GPLD1: variants seen among roughly 807,000 people sequenced by gnomAD.
The protein encoded by GPLD1 is glycosylphosphatidylinositol specific phospholipase D1, also known as phosphatidylinositol-glycan-specific phospholipase D.
In GPLD1, 84 loss-of-function variants were observed where a neutral mutation model predicts 112.6. That is an observed-to-expected ratio of 0.75 (90% CI 0.63 to 0.89). The LOEUF is 0.89. Among genes scored for constraint, GPLD1 ranks in the 40% least tolerant of loss-of-function variants. The pLI is 0.00. For synonymous variants in GPLD1, 386 were observed against 403.8 expected, an observed-to-expected ratio of 0.96 and a Z score of 0.53; for missense variants, 1,044 against 1,051.5, an observed-to-expected ratio of 0.99 and a Z score of 0.10.
At chr6:24,464,701 C>T (rs920424152) in intron 10 of GPLD1, among the ~76,000 whole-genome samples, 9 of 152,204 alleles carry the variant, frequency 5.9e-5, no homozygotes, top group Non-Finnish European at 1.0e-4. Flanking sequence ...CTGCTATGAT[C>T]CTGACCTGGA....
intron 18 of GPLD1, 66 bp downstream of exon 18, chr6:24,446,772 T>G: frequency 6.6e-7 from 1 of 1,519,404 alleles, no homozygotes. Flanking sequence ...TCATGCTCAG[T>G]GCGCTCCATA....
At chr6:24,425,108 C>T (rs1249148979), downstream of GPLD1, 2 of 152,148 alleles carry the variant, frequency 1.3e-5, no homozygotes, top group Admixed American at 6.5e-5. Context: ...CATACAGCAC[C>T]CTCTAGCATT....
chr6:24,447,063 T>A (rs1762933975), intron 17 of GPLD1, 84 bp from the exon 18 acceptor site: 1 of 1,281,180 alleles, frequency 7.8e-7, no homozygotes, highest in Non-Finnish European at 1.1e-6. Context: ...TCTCGTAGCC[T>A]AATAGAAGTG....
rs1428150460 is a variant in GPLD1, at chr6:24,430,565, TGA to T, written c.2437-1449_2437-1448del. ...CCTGAGCTGATGGAAGGCAGCCCCA[TGA>T]GAAGTTTCTGAAATACAGAGACAGT... On this transcript the variant is annotated intron_variant, in intron 24 of 24. Coordinates refer to ENST00000230036, the MANE Select transcript of GPLD1 (RefSeq NM_001503.4). Among the ~76,000 whole-genome samples the T allele has an allele frequency of 2.0e-5, 3 of 151,394 alleles. No individual in the cohort carries two copies. The Admixed American group carries it at 2.0e-4, about 10-fold the overall frequency.
chr6:24,431,692 G>A lies in GPLD1; in HGVS notation c.2436+1495C>T, dbSNP rs144133647. Reference sequence around the variant, plus strand: ...TGAGACTATAGGCATGCACCACCACGCCGGGCTATTTTTTGTATTTTTAGT... The same window carrying A: ...TGAGACTATAGGCATGCACCACCACACCGGGCTATTTTTTGTATTTTTAGT... On this transcript the variant is annotated intron_variant, in intron 24 of 24. Transcript: ENST00000230036. Among the ~76,000 whole-genome samples, 849 of 151,848 alleles carry A rather than the reference G, an allele frequency of 5.6e-3. 8 individuals are homozygous for A. Among genetic ancestry groups the A allele is most frequent in the African/African-American group, 0.018 (760 of 41,380 alleles).
At chr6:24,438,920 G>A (rs1762662158) in intron 20 of GPLD1, among the ~76,000 whole-genome samples, 1 of 152,096 alleles carries the variant, frequency 6.6e-6, no homozygotes, top group Non-Finnish European at 1.5e-5. Flanking sequence ...CCGAGTAGCT[G>A]GGACTACAGG....
intron 12 of GPLD1, among the ~76,000 whole-genome samples, chr6:24,459,132 G>T (rs1763353846): frequency 6.6e-6 from 1 of 152,078 alleles, no homozygotes; most frequent in Non-Finnish European, 1.5e-5. Context: ...CCCACTAACA[G>T]AAATGTACTC....
intron 1 of GPLD1, among the ~76,000 whole-genome samples, chr6:24,486,823 A>C (rs1764392815): frequency 6.6e-6 from 1 of 152,176 alleles, no homozygotes; most frequent in Admixed American, 6.5e-5. Flanking sequence ...GTCTCAAAAA[A>C]AAAAAGAAAC....
At chr6:24,430,499 A>G (rs965945977) in intron 24 of GPLD1, among the ~76,000 whole-genome samples, 24 of 152,184 alleles carry the variant, frequency 1.6e-4, no homozygotes, top group Non-Finnish European at 3.2e-4. Flanking sequence ...GCTTGATACA[A>G]CACTGCTCAC....
At position 24,433,382 on chromosome 6, in the gene GPLD1, T is replaced by C. The variant is rs757861276; in HGVS notation, c.2366A>G (p.Tyr789Cys). 6.2e-7 allele frequency: 1 copy of C among 1,607,782 alleles called. No individual in the cohort carries two copies. The highest frequency in any genetic ancestry group is 8.5e-7 in the Non-Finnish European group (1 of 1,174,390). ...ACTTACTTCAGGAGAAATCAATACA[T>C]ATTGGGCCTGAAGAAAAAAATTGAG... ...ITPCPEEKAQ[Y>C]VLISPEASSR... The change falls in exon 23 of 25, where the codon TAT (tyrosine) becomes TGT (cysteine). Residue 789 changes from tyrosine to cysteine, a missense_variant. Transcript: ENST00000230036.
rs1554133555 is a variant in GPLD1, at chr6:24,475,242, A to G, written c.331-11T>C. 8.5e-6 allele frequency: 11 copies of G among 1,293,504 alleles called. No homozygotes were observed. The highest frequency in any genetic ancestry group is 2.3e-6 in the Non-Finnish European group (2 of 887,108). 80.1% of individuals were successfully genotyped at this position (1,293,504 alleles called of 1,614,324 possible). Reference sequence around the variant, plus strand: ...CAGTTTCTCTGTGTCCTGCCAAACAAGCAAATTAGAGTCATGTGTGTTTGG... The same window carrying G: ...CAGTTTCTCTGTGTCCTGCCAAACAGGCAAATTAGAGTCATGTGTGTTTGG... On this transcript the variant is annotated splice_polypyrimidine_tract_variant and intron_variant, in intron 4 of 24. Coordinates refer to ENST00000230036, the MANE Select transcript of GPLD1 (RefSeq NM_001503.4).
At position 24,437,100 on chromosome 6, in the gene GPLD1, G is replaced by A. The variant is rs1178801427; in HGVS notation, c.2197+13C>T. The A allele has an allele frequency of 6.2e-7, 1 of 1,612,494 alleles. No individual in the cohort carries two copies. Among genetic ancestry groups the A allele is most frequent in the Non-Finnish European group, 8.5e-7 (1 of 1,178,518 alleles). On this transcript the variant is annotated intron_variant, in intron 21 of 24. Coordinates refer to ENST00000230036, the MANE Select transcript of GPLD1 (RefSeq NM_001503.4). ...GACTCAATTCTTGTCAAAGGGTCCTGTTCCTTTCTTACCTAAGCCATCATC... is the reference window on the plus strand; with the variant it reads ...GACTCAATTCTTGTCAAAGGGTCCTATTCCTTTCTTACCTAAGCCATCATC...
At chr6:24,481,340 G>GC (rs1764196422) in intron 2 of GPLD1, among the ~76,000 whole-genome samples, 1 of 138,856 alleles carries the variant, frequency 7.2e-6, no homozygotes, top group Admixed American at 6.9e-5. Flanking sequence ...GCAATATCCC[G>GC]CCCTTTTTTT....
In GPLD1 at chr6:24,460,279, C is replaced by G. The variant is rs367986530; in HGVS notation, c.1008G>C (p.Pro336=). The G allele has an allele frequency of 6.2e-7, 1 of 1,613,742 alleles. No individual in the cohort carries two copies. The highest frequency in any genetic ancestry group is 1.1e-5 in the South Asian group (1 of 91,036). The part of the protein sequence containing the change: ...GVFFSVNSWT[P]DSMSFIYKAL... ...TCAACTTAGAGCAGAAAATTCTTAC[C>G]GGGGTCCAGGAATTTACACTAAAGA... Residue 336 remains proline, a splice_region_variant and synonymous_variant, in exon 12 of 25, where the codon CCG becomes CCC. Transcript: ENST00000230036.
At chr6:24,481,145 T>A (rs2817208) in intron 2 of GPLD1, among the ~76,000 whole-genome samples, 74,377 of 152,070 alleles carry the variant, frequency 0.49, 18,824 homozygotes, top group African/African-American at 0.6. Context: ...AGGCCAGTTC[T>A]GTGCATTATT....
At chr6:24,441,128 C>T (rs555424011) in intron 20 of GPLD1, among the ~76,000 whole-genome samples, 3 of 140,838 alleles carry the variant, frequency 2.1e-5, no homozygotes, top group African/African-American at 7.7e-5. Flanking sequence ...CATGGTGAAA[C>T]TCCATCTCTA....
chr6:24,452,879 C>T (rs371352301), intron 14 of GPLD1, among the ~76,000 whole-genome samples: 13 of 152,188 alleles, frequency 8.5e-5, no homozygotes, highest in Middle Eastern at 3.4e-3. Flanking sequence ...ACAAGAACCA[C>T]GACGATCTGA....
At chr6:24,434,889 T>C (rs2127315401) in intron 22 of GPLD1, among the ~76,000 whole-genome samples, 1 of 151,350 alleles carries the variant, frequency 6.6e-6, no homozygotes, top group Admixed American at 6.6e-5. Context: ...AAGCTGGTGC[T>C]GAACTCCTGA....
In GPLD1 at chr6:24,437,198, C is replaced by T; in HGVS notation, c.2112G>A (p.Leu704=). 3 of 1,614,180 alleles carry T rather than the reference C, an allele frequency of 1.9e-6. No individual in the cohort carries two copies. Among genetic ancestry groups the T allele is most frequent in the Non-Finnish European group, 2.5e-6 (3 of 1,179,974 alleles). The change falls in exon 21 of 25, where the codon CTG becomes CTA. Residue 704 remains leucine, a synonymous_variant. Transcript: ENST00000230036. ...GGTCTCCGCTGAAGGTGCTGAGCAG[C>T]AGAGGCTGCGCGTCAGATGTGAGTG... is the stretch of plus-strand genomic sequence containing the variant. The part of the protein sequence containing the change: ...MYALTSDAQP[L]LLSTFSGDRR...
Sources: gnomAD v4.1 joint callset for allele counts (sites outside exome capture counted in the v4.1 genomes callset) on GRCh38, gnomAD v4.1.1 for gene constraint, MANE v1.5 for transcripts, NCBI Gene and HGNC (gene_info 2026-07-23, HGNC 2026-07-21) for gene names.